Variants in SLC22A23 observed in about 807,000 individuals in gnomAD.
SLC22A23 encodes ion transporter protein.
In SLC22A23, 26 loss-of-function variants were observed where a neutral mutation model predicts 61.0. The ratio of observed to expected loss-of-function variants is 0.43; its 90% CI spans 0.31 to 0.59. SLC22A23 has a LOEUF of 0.59. SLC22A23 is among the 20% of genes least tolerant of loss of function. The probability of loss-of-function intolerance (pLI) is 0.11; values close to 1 mark genes in which losing one functional copy is unlikely to be tolerated. For synonymous variants in SLC22A23, 430 were observed against 413.9 expected (o/e 1.04, Z -0.47); for missense variants, 796 against 934.7 (o/e 0.85, Z 1.94).
intron 4 of SLC22A23, among the ~76,000 whole-genome samples, chr6:3,319,058 C>T (rs1046794863): frequency 3.3e-5 from 5 of 152,244 alleles, no homozygotes; most frequent in African/African-American, 1.2e-4. Flanking sequence ...CGGCTCTACG[C>T]CTTCTCCACG....
In SLC22A23 at chr6:3,331,094, C is replaced by T. The variant is rs370176392; in HGVS notation, c.914-7092G>A. 6.0e-4 allele frequency among the ~76,000 whole-genome samples: 92 copies of T among 152,282 alleles called. 1 individual carries two copies. The South Asian group carries it at 0.018, about 31-fold the overall frequency. ...TATTATGTAGGTATTGTTTTTAATG[C>T]TCATTTTACATGAGAGGACCCTGAA... On this transcript the variant is annotated intron_variant, in intron 3 of 9. Coordinates refer to ENST00000406686, the MANE Select transcript of SLC22A23 (RefSeq NM_015482.2).
At chr6:3,412,926 A>G (rs1158316121) in intron 2 of SLC22A23, among the ~76,000 whole-genome samples, 1 of 152,206 alleles carries the variant, frequency 6.6e-6, no homozygotes, top group African/African-American at 2.4e-5. Flanking sequence ...GGGTCTTGCA[A>G]AAAGGCATGC....
intron 1 of SLC22A23, among the ~76,000 whole-genome samples, chr6:3,433,789 G>A (rs115266720): frequency 8.1e-4 from 123 of 152,198 alleles, no homozygotes; most frequent in African/African-American, 2.7e-3. Context: ...CTGACACGGC[G>A]GACCACAGGC....
rs969355017 is a variant in SLC22A23 at position 3,456,395 on chromosome 6, T to C, written c.165A>G (p.Pro55=). 6.6e-7 allele frequency: 1 copy of C among 1,516,266 alleles called. No individual in the cohort carries two copies. The highest frequency in any genetic ancestry group is 8.9e-7 in the Non-Finnish European group (1 of 1,128,830). 93.9% of individuals were successfully genotyped at this position (1,516,266 alleles called of 1,614,324 possible). ...GGTGCGGGCCGCCTCCAGGATGCAG[T>C]GGGGGCAGCGGCTGGATCTCCGCGC... ...GGGAEIQPLP[P]LHPGGGPHPS... is the part of the protein sequence containing the mutation. The change falls in exon 1 of 10, where the codon CCA becomes CCG. Residue 55 remains proline, a synonymous_variant. Transcript: ENST00000406686. The surrounding 1 kb of genome is among the most constrained non-coding windows in gnomAD (Gnocchi z 7.1).
rs928858225 is a variant in SLC22A23, at chr6:3,329,630, G to A, written c.914-5628C>T. 6.6e-6 allele frequency among the ~76,000 whole-genome samples: 1 copy of A among 152,182 alleles called. No homozygotes were observed. Among genetic ancestry groups the A allele is most frequent in the Non-Finnish European group, 1.5e-5 (1 of 68,024 alleles). ...CTGGGCGGTGTGAAGTTACTCAGCC[G>A]CTCTGAGCCTGTGTCCTTGCAGCCA... is the stretch of plus-strand genomic sequence containing the variant. On this transcript the variant is annotated intron_variant, in intron 3 of 9. Coordinates refer to ENST00000406686, the MANE Select transcript of SLC22A23 (RefSeq NM_015482.2). This position sits in a 1 kb window ranked among gnomAD's most constrained non-coding sequence, Gnocchi z 4.8.
chr6:3,432,280 G>A (rs1770918274), intron 1 of SLC22A23: 7 of 985,436 alleles, frequency 7.1e-6, no homozygotes, highest in Non-Finnish European at 8.4e-6. Context: ...GTGAACGCTG[G>A]CTCCTTCCAC....
intron 4 of SLC22A23, among the ~76,000 whole-genome samples, chr6:3,307,690 C>T (rs1334450663): frequency 2.0e-5 from 3 of 152,228 alleles, no homozygotes; most frequent in South Asian, 2.1e-4. Context: ...GGACAGCCCC[C>T]GGTGTGACAC....
chr6:3,375,165 G>T (rs1445266412), intron 3 of SLC22A23, among the ~76,000 whole-genome samples: 1 of 151,788 alleles, frequency 6.6e-6, no homozygotes, highest in Non-Finnish European at 1.5e-5. Context: ...CAAGCTACAG[G>T]AAGAAAAAAA....
At position 3,327,792 on chromosome 6, in the gene SLC22A23, A is replaced by C. The variant is rs143554073; in HGVS notation, c.914-3790T>G. Among the ~76,000 whole-genome samples, 2 of 152,352 alleles carry C rather than the reference A, an allele frequency of 1.3e-5. No individual in the cohort carries two copies. Among genetic ancestry groups the C allele is most frequent in the East Asian group, 3.9e-4 (2 of 5,188 alleles). On this transcript the variant is annotated intron_variant, in intron 3 of 9. Transcript: ENST00000406686. The surrounding 1 kb of genome is among the most constrained non-coding windows in gnomAD (Gnocchi z 4.1). ...GGGCAAGGGACCCAAGTCTAAAAAC[A>C]AAATTCATTTATGTTTCATATAAAT...
intron 4 of SLC22A23, chr6:3,312,291 C>T (rs1446250171): frequency 4.6e-5 from 7 of 152,198 alleles, no homozygotes; most frequent in Non-Finnish European, 4.4e-5. Context: ...TCTGTCTGCA[C>T]CTTTCACTCA....
In SLC22A23 at chr6:3,357,792, C is replaced by A. The variant is rs369563742; in HGVS notation, c.914-33790G>T. ...GAGATGCCGAGATGAAGCCACACCA[C>A]CGGCCTCAAGGGGCTCACAGTCTGA... is the stretch of plus-strand genomic sequence containing the variant. On this transcript the variant is annotated intron_variant, in intron 3 of 9. Coordinates refer to ENST00000406686, the MANE Select transcript of SLC22A23 (RefSeq NM_015482.2). Among the ~76,000 whole-genome samples, 4 of 152,322 alleles carry A rather than the reference C, an allele frequency of 2.6e-5. No individual in the cohort carries two copies. The East Asian group carries it at 7.7e-4, about 29-fold the overall frequency.
intron 3 of SLC22A23, among the ~76,000 whole-genome samples, chr6:3,359,303 G>C (rs1474489678): frequency 6.6e-6 from 1 of 152,144 alleles, no homozygotes; most frequent in Non-Finnish European, 1.5e-5. Flanking sequence ...TATGCTAGCT[G>C]GTGTTGCCAC....
intron 5 of SLC22A23, chr6:3,290,224 T>A (rs1191289318): frequency 5.9e-6 from 2 of 337,158 alleles, no homozygotes; most frequent in Non-Finnish European, 1.1e-5. Flanking sequence ...TATTCTAGGT[T>A]ACTGAGGCAC....
intron 9 of SLC22A23, among the ~76,000 whole-genome samples, chr6:3,283,222 AG>A (rs1350473375): frequency 3.9e-5 from 6 of 152,166 alleles, no homozygotes; most frequent in African/African-American, 1.2e-4. Flanking sequence ...ACCTGAGGTC[AG>A]GAGTTCGAGA....
At chr6:3,402,723 A>G (rs752034631) in intron 3 of SLC22A23, among the ~76,000 whole-genome samples, 8 of 152,200 alleles carry the variant, frequency 5.3e-5, no homozygotes, top group Non-Finnish European at 8.8e-5. Context: ...TCTGGTGCTC[A>G]CTGTCCCAGC....
At position 3,456,263 on chromosome 6, in the gene SLC22A23, G is replaced by A. The variant is rs761631482; in HGVS notation, c.297C>T (p.Leu99=). The change falls in exon 1 of 10, where the codon CTC becomes CTT. Residue 99 remains leucine, a synonymous_variant. Coordinates refer to ENST00000406686, the MANE Select transcript of SLC22A23 (RefSeq NM_015482.2). This position sits in a 1 kb window ranked among gnomAD's most constrained non-coding sequence, Gnocchi z 7.1. ...GGLGGGYQKT[L]VLLTWIPALF... ...GCGCCGGGATCCAGGTGAGCAGCAC[G>A]AGGGTCTTCTGATAGCCCCCGCCCA... 7.2e-5 allele frequency: 111 copies of A among 1,551,292 alleles called. No individual in the cohort carries two copies. Among genetic ancestry groups the A allele is most frequent in the Non-Finnish European group, 8.5e-5 (98 of 1,146,850 alleles).
chr6:3,404,753 G>A (rs554667670), intron 3 of SLC22A23, among the ~76,000 whole-genome samples: 28 of 152,244 alleles, frequency 1.8e-4, no homozygotes, highest in Admixed American at 1.5e-3. Flanking sequence ...GCTCAGAGGT[G>A]GGATAAGGGA....
chr6:3,379,344 A>G (rs1233277803), intron 3 of SLC22A23, among the ~76,000 whole-genome samples: 2 of 152,194 alleles, frequency 1.3e-5, no homozygotes, highest in African/African-American at 4.8e-5. Context: ...TTTAATGACT[A>G]TCTATGAACT....
intron 9 of SLC22A23, among the ~76,000 whole-genome samples, chr6:3,279,544 C>A (rs1395083937): frequency 3.6e-5 from 2 of 56,082 alleles, no homozygotes; most frequent in Non-Finnish European, 5.7e-5. Context: ...AAATCCTTGA[C>A]ATCATTCAGT....
Sources: allele counts gnomAD v4.1 joint callset (sites outside exome capture counted in the v4.1 genomes callset), GRCh38; gene constraint gnomAD v4.1.1; non-coding constraint Gnocchi (gnomAD v3.1); transcripts MANE v1.5; gene names NCBI Gene and HGNC (gene_info 2026-07-23, HGNC 2026-07-21).